SLC5A4: variants seen among roughly 807,000 people sequenced by gnomAD.
The protein encoded by SLC5A4 is probable glucose sensor protein SLC5A4.
In SLC5A4, 55 loss-of-function variants were observed where a neutral mutation model predicts 70.3. The observed-to-expected ratio is 0.78, with a 90% CI of 0.63 to 0.98. The LOEUF (loss-of-function observed/expected upper bound fraction) is 0.98, where lower values mean the gene tolerates loss of function less well. Ranked by LOEUF, SLC5A4 falls within the 50% of genes least tolerant of loss-of-function variation. The pLI is 0.00. For synonymous variants in SLC5A4, 268 were observed against 305.7 expected (o/e 0.88, Z 1.29); for missense variants, 735 against 839.2 (o/e 0.88, Z 1.53).
At chr22:32,265,507 A>G in the SLC5A4 span, among the ~76,000 whole-genome samples, 1 of 152,236 alleles carries the variant, frequency 6.6e-6, no homozygotes, top group Non-Finnish European at 1.5e-5. Context: ...GATTGATTAA[A>G]TTATATGTGG....
At chr22:32,324,247 G>A in the SLC5A4 span, among the ~76,000 whole-genome samples, 10 of 136,670 alleles carry the variant, frequency 7.3e-5, no homozygotes, top group African/African-American at 8.3e-5. Flanking sequence ...ATATGTATGT[G>A]TATATATACA....
At chr22:32,307,456 C>G in the SLC5A4 span, among the ~76,000 whole-genome samples, 1 of 152,140 alleles carries the variant, frequency 6.6e-6, no homozygotes, top group Non-Finnish European at 1.5e-5. Flanking sequence ...GTGGTCCCAG[C>G]TATAGCAGGA....
At chr22:32,302,872 A>AT in the SLC5A4 span, among the ~76,000 whole-genome samples, 1 of 152,146 alleles carries the variant, frequency 6.6e-6, no homozygotes, top group Admixed American at 6.5e-5. Flanking sequence ...TCTTCCTGGG[A>AT]TTTTGGCAGG....
Position 32,225,792 on chromosome 22 carries a change from T to G in SLC5A4, c.1312A>C (p.Ile438Leu). Residue 438 changes from isoleucine (I) to leucine (L), a missense_variant, in exon 12 of 15, where the codon ATT (isoleucine) becomes CTT (leucine). Ile to Leu is a conservative substitution (Grantham distance 5). Transcript: ENST00000266086. ...ACTTGTACCAGTGGGACCCACACAA[T>G]GCTCACAACAGTTAATAGAAGAACA... ...IFVLLLTVVS[I>L]VWVPLVQVSQ... is the part of the protein sequence containing the mutation. The G allele has an allele frequency of 6.2e-7, 1 of 1,610,508 alleles. No individual in the cohort carries two copies. The highest frequency in any genetic ancestry group is 2.2e-5 in the East Asian group (1 of 44,838).
chr22:32,277,411 A>G, the SLC5A4 span, among the ~76,000 whole-genome samples: 2 of 152,240 alleles, frequency 1.3e-5, no homozygotes, highest in African/African-American at 4.8e-5. Context: ...TGCATAATCG[A>G]ATTCATAGAT....
At chr22:32,287,892 G>A in the SLC5A4 span, among the ~76,000 whole-genome samples, 1 of 151,246 alleles carries the variant, frequency 6.6e-6, no homozygotes, top group Non-Finnish European at 1.5e-5. Flanking sequence ...TTAAATATTG[G>A]GTCTGTATAG....
At chr22:32,275,083 A>G in the SLC5A4 span, among the ~76,000 whole-genome samples, 3 of 150,876 alleles carry the variant, frequency 2.0e-5, no homozygotes, top group African/African-American at 4.9e-5. Flanking sequence ...TTATAACTCT[A>G]TTGTACACCA....
At chr22:32,350,911 A>G in the SLC5A4 span, among the ~76,000 whole-genome samples, 1 of 152,140 alleles carries the variant, frequency 6.6e-6, no homozygotes, top group African/African-American at 2.4e-5. Context: ...ATCAGTAAAA[A>G]AAAAAAAAGT....
At chr22:32,264,458 C>G in the SLC5A4 span, among the ~76,000 whole-genome samples, 1 of 151,912 alleles carries the variant, frequency 6.6e-6, no homozygotes, top group Non-Finnish European at 1.5e-5. Context: ...GCCTGTGGTC[C>G]CAGCTTCTTG....
intron 14 of SLC5A4, among the ~76,000 whole-genome samples, chr22:32,219,139 C>T (rs1924900562): frequency 6.6e-6 from 1 of 152,146 alleles, no homozygotes; most frequent in South Asian, 2.1e-4. Flanking sequence ...AAACCTATAC[C>T]ACTTTCTCAT....
At chr22:32,334,293 A>G in the SLC5A4 span, among the ~76,000 whole-genome samples, 1 of 151,984 alleles carries the variant, frequency 6.6e-6, no homozygotes, top group Non-Finnish European at 1.5e-5. Flanking sequence ...GGTGGTAACA[A>G]TGCACGACCC....
chr22:32,248,789 A>G lies in SLC5A4; in HGVS notation c.326T>C (p.Leu109Ser). 1 of 1,612,644 alleles carries G rather than the reference A, an allele frequency of 6.2e-7. No individual in the cohort carries two copies. Among genetic ancestry groups the G allele is most frequent in the Non-Finnish European group, 8.5e-7 (1 of 1,178,626 alleles). ...GACAAAGATCCACCCAAGAATCAGC[A>G]ACATTACTGAGGACTACAAGGAACC... Reference protein sequence around the residue: ...VTFEWTSSVMLLILGWIFVPI... With the variant: ...VTFEWTSSVMSLILGWIFVPI... Residue 109 changes from leucine (L) to serine (S), a missense_variant, in exon 4 of 15, where the codon TTG (leucine) becomes TCG (serine). Transcript: ENST00000266086.
chr22:32,300,256 C>T, the SLC5A4 span, among the ~76,000 whole-genome samples: 57 of 148,716 alleles, frequency 3.8e-4, 1 homozygote, highest in South Asian at 0.012. Context: ...CCCCAAGCCT[C>T]GCTGCTGCCT....
chr22:32,326,805 C>T, the SLC5A4 span, among the ~76,000 whole-genome samples: 1 of 152,118 alleles, frequency 6.6e-6, no homozygotes, highest in African/African-American at 2.4e-5. Context: ...TCACAGGGTC[C>T]TAAGTGAGAA....
At chr22:32,253,419 G>C (rs1461218411) in intron 2 of SLC5A4, among the ~76,000 whole-genome samples, 1 of 152,202 alleles carries the variant, frequency 6.6e-6, no homozygotes, top group Non-Finnish European at 1.5e-5. Context: ...GGAGAGAGCC[G>C]GGAGGCTCCT....
chr22:32,333,328 G>A, the SLC5A4 span, among the ~76,000 whole-genome samples: 10 of 152,126 alleles, frequency 6.6e-5, no homozygotes, highest in South Asian at 2.1e-4. Flanking sequence ...AGAGGCCTCC[G>A]GAAGGAGCAT....
Position 32,224,394 on chromosome 22 carries a change from G to A in SLC5A4, c.1538C>T (p.Ala513Val). The A allele has an allele frequency of 6.2e-7, 1 of 1,613,946 alleles. No homozygotes were observed. Among genetic ancestry groups the A allele is most frequent in the Non-Finnish European group, 8.5e-7 (1 of 1,179,842 alleles). The change falls in exon 13 of 15, where the codon GCT becomes GTT. Residue 513 changes from alanine (A) to valine (V), a missense_variant. Physicochemically the swap from Ala to Val is moderately conservative, Grantham distance 64 (BLOSUM62 0). Coordinates refer to ENST00000266086, the MANE Select transcript of SLC5A4 (RefSeq NM_014227.3). ...GATAATCTTGGGACAGTTACTGGGA[G>A]CCAAGCAACTCCCTGTTCCATAAGC... The part of the protein sequence containing the change: ...EFAYGTGSCL[A>V]PSNCPKIICG...
chr22:32,294,322 C>G, the SLC5A4 span, among the ~76,000 whole-genome samples: 2 of 152,298 alleles, frequency 1.3e-5, no homozygotes, highest in South Asian at 4.1e-4. Context: ...CCAGTTGTAT[C>G]TAATCTGATT....
the SLC5A4 span, among the ~76,000 whole-genome samples, chr22:32,300,502 C>G: frequency 6.6e-6 from 1 of 151,968 alleles, no homozygotes; most frequent in Non-Finnish European, 1.5e-5. Context: ...GAGGCAATGC[C>G]TCGCCCTGCT....
Sources: allele counts gnomAD v4.1 joint callset (sites outside exome capture counted in the v4.1 genomes callset), GRCh38; gene constraint gnomAD v4.1.1; transcripts MANE v1.5; gene names NCBI Gene and HGNC (gene_info 2026-07-23, HGNC 2026-07-21).